The following EXOC6B variants were observed in gnomAD, a reference collection of about 807,000 sequenced individuals.
EXOC6B encodes SEC15 homolog B.
In EXOC6B, 54 loss-of-function variants were observed where a neutral mutation model predicts 113.5. The ratio of observed to expected loss-of-function variants is 0.48; its 90% CI spans 0.38 to 0.60. EXOC6B has a LOEUF of 0.60. EXOC6B is among the 20% of genes least tolerant of loss of function. The probability of loss-of-function intolerance (pLI) is 0.00; values close to 1 mark genes in which losing one functional copy is unlikely to be tolerated. For synonymous variants in EXOC6B, 357 were observed against 339.0 expected, an observed-to-expected ratio of 1.05 and a Z score of -0.58; for missense variants, 797 against 977.5, an observed-to-expected ratio of 0.82 and a Z score of 2.46.
intron 11 of EXOC6B, among the ~76,000 whole-genome samples, chr2:72,512,573 T>C (rs1369489202): frequency 6.6e-6 from 1 of 151,978 alleles, no homozygotes; most frequent in Non-Finnish European, 1.5e-5. Flanking sequence ...CAGCTTAATA[T>C]GTTATGAACT....
intron 18 of EXOC6B, among the ~76,000 whole-genome samples, chr2:72,413,554 G>A (rs377578002): frequency 1.4e-4 from 21 of 151,350 alleles, no homozygotes; most frequent in Non-Finnish European, 1.6e-4. Context: ...GTAGTGGTAC[G>A]CACCTGTAAT....
rs1700237877 is a variant in EXOC6B, at chr2:72,499,974, TA to T, written c.1168-3del. On this transcript the variant is annotated splice_region_variant and splice_polypyrimidine_tract_variant and intron_variant, in intron 11 of 21. Coordinates refer to ENST00000272427, the MANE Select transcript of EXOC6B (RefSeq NM_015189.3). Reference sequence around the variant, plus strand: ...AAGGTTTGGATCAGAACAGTAAGACTAAAGTAAATAAAAGACAAAGGAGGAA... The same window carrying T: ...AAGGTTTGGATCAGAACAGTAAGACTAAGTAAATAAAAGACAAAGGAGGAA... 1 of 1,534,054 alleles carries T rather than the reference TA, an allele frequency of 6.5e-7. No homozygotes were observed. The highest frequency in any genetic ancestry group is 8.8e-7 in the Non-Finnish European group (1 of 1,132,706).
At chr2:72,796,687 T>TAA (rs879442616) in intron 1 of EXOC6B, among the ~76,000 whole-genome samples, 5 of 146,350 alleles carry the variant, frequency 3.4e-5, no homozygotes, top group Admixed American at 1.4e-4. Context: ...AATCCTAATT[T>TAA]AAAAAAAAAA....
At chr2:72,656,230 GA>G (rs1674563508) in intron 6 of EXOC6B, among the ~76,000 whole-genome samples, 1 of 152,016 alleles carries the variant, frequency 6.6e-6, no homozygotes, top group Non-Finnish European at 1.5e-5. Flanking sequence ...CAAAGCCCAC[GA>G]ACAGCCGAAG....
intron 18 of EXOC6B, among the ~76,000 whole-genome samples, chr2:72,397,720 A>C (rs920252001): frequency 1.3e-5 from 2 of 151,752 alleles, no homozygotes; most frequent in Non-Finnish European, 2.9e-5. Context: ...TACTACTGAC[A>C]CCTAATAAGT....
At chr2:72,605,852 G>A (rs531142475) in intron 6 of EXOC6B, among the ~76,000 whole-genome samples, 2 of 152,030 alleles carry the variant, frequency 1.3e-5, no homozygotes, top group South Asian at 2.1e-4. Flanking sequence ...TGAATTAATT[G>A]TATAGTCTCA....
At position 72,372,474 on chromosome 2, in the gene EXOC6B, C is replaced by G. The variant is rs370278877; in HGVS notation, c.2122+7255G>C. On this transcript the variant is annotated intron_variant, in intron 19 of 21. Coordinates refer to ENST00000272427, the MANE Select transcript of EXOC6B (RefSeq NM_015189.3). ...TGGTACTGGCATTAAATCCGACACACAGACCAATGGAACAGAATAGAGAAC... is the reference window on the plus strand; with the variant it reads ...TGGTACTGGCATTAAATCCGACACAGAGACCAATGGAACAGAATAGAGAAC... Among the ~76,000 whole-genome samples the G allele has an allele frequency of 1.6e-4, 25 of 152,226 alleles. No homozygotes were observed. In the East Asian group the frequency reaches 2.7e-3, roughly 16 times the overall value.
chr2:72,480,435 A>C (rs1699012887), intron 17 of EXOC6B, among the ~76,000 whole-genome samples, 181 bp downstream of exon 17: 1 of 152,224 alleles, frequency 6.6e-6, no homozygotes, highest in Non-Finnish European at 1.5e-5. Context: ...TTAAACACCC[A>C]AAAACTCGCA....
intron 19 of EXOC6B, among the ~76,000 whole-genome samples, chr2:72,353,763 G>A (rs953585788): frequency 3.3e-5 from 5 of 151,646 alleles, no homozygotes; most frequent in South Asian, 4.2e-4. Context: ...AAATTCCTAC[G>A]ATATACTATT....
chr2:72,341,352 T>C (rs1245664724), intron 19 of EXOC6B, among the ~76,000 whole-genome samples: 1 of 152,054 alleles, frequency 6.6e-6, no homozygotes, highest in African/African-American at 2.4e-5. Context: ...AGGACTAGTA[T>C]CCAGAACATG....
chr2:72,823,251 ACTTT>A (rs1171291197), intron 1 of EXOC6B, among the ~76,000 whole-genome samples: 1 of 151,590 alleles, frequency 6.6e-6, no homozygotes, highest in Non-Finnish European at 1.5e-5. Flanking sequence ...TGAGTCTCAA[ACTTT>A]CTTTTTTTTA....
At chr2:72,512,831 G>T (rs971655278) in intron 11 of EXOC6B, among the ~76,000 whole-genome samples, 8 of 152,020 alleles carry the variant, frequency 5.3e-5, no homozygotes, top group Non-Finnish European at 1.0e-4. Flanking sequence ...CCTTTCTAGG[G>T]TTGTATTGAG....
rs1343947093 is a variant in EXOC6B at position 72,401,581 on chromosome 2, A to G, written c.1981-21711T>C. 2.5e-4 allele frequency among the ~76,000 whole-genome samples: 5 copies of G among 20,034 alleles called. No homozygotes were observed. The East Asian group carries it at 4.1e-3, about 17-fold the overall frequency. 13.1% of individuals were successfully genotyped at this position (20,034 alleles called of 152,430 possible). A position where few individuals can be genotyped will look rare whatever the true frequency, so the allele number is the denominator to read the frequency against. ...TATATATATACATATATATATATAT[A>G]CATATATATATATATATATATGTGT... On this transcript the variant is annotated intron_variant, in intron 18 of 21. Transcript: ENST00000272427.
At chr2:72,683,227 C>T (rs1179399985) in intron 6 of EXOC6B, among the ~76,000 whole-genome samples, 1 of 152,128 alleles carries the variant, frequency 6.6e-6, no homozygotes, top group Admixed American at 6.5e-5. Flanking sequence ...ATGTGTTTTT[C>T]ATTGTGGATT....
At chr2:72,317,381 G>A (rs1436205376) in intron 20 of EXOC6B, among the ~76,000 whole-genome samples, 1 of 151,770 alleles carries the variant, frequency 6.6e-6, no homozygotes, top group East Asian at 1.9e-4. Context: ...ATTTCATCAA[G>A]CAGGCAATGA....
Position 72,721,433 on chromosome 2 carries a change from GA to G in EXOC6B, c.465-3127del, listed in dbSNP as rs34698268. 2.7e-3 allele frequency among the ~76,000 whole-genome samples: 284 copies of G among 105,146 alleles called. 5 individuals are homozygous for G. Among genetic ancestry groups the G allele is most frequent in the African/African-American group, 8.6e-3 (222 of 25,772 alleles). 69.0% of individuals were successfully genotyped at this position (105,146 alleles called of 152,430 possible). A position where few individuals can be genotyped will look rare whatever the true frequency, so the allele number is the denominator to read the frequency against. On this transcript the variant is annotated intron_variant, in intron 5 of 21. Transcript: ENST00000272427. ...AAAGAACCAAAAAGGGCCAACATAT[GA>G]AAAAAAAAAAAAAATGTTTAACTGA... is the stretch of plus-strand genomic sequence containing the variant.
intron 6 of EXOC6B, among the ~76,000 whole-genome samples, chr2:72,609,613 A>T (rs1670950974): frequency 6.6e-6 from 1 of 152,070 alleles, no homozygotes. Flanking sequence ...GAGCCCCTTC[A>T]TTAATATCTA....
At chr2:72,646,503 G>C (rs1216311881) in intron 6 of EXOC6B, among the ~76,000 whole-genome samples, 1 of 152,084 alleles carries the variant, frequency 6.6e-6, no homozygotes, top group Non-Finnish European at 1.5e-5. Flanking sequence ...AACAAAAAAA[G>C]AGAATTTTAG....
rs185733931 is a variant in EXOC6B at position 72,775,110 on chromosome 2, G to A, written c.114-33641C>T. 2.2e-3 allele frequency among the ~76,000 whole-genome samples: 342 copies of A among 152,246 alleles called. 2 individuals carry two copies. The highest frequency in any genetic ancestry group is 0.017 in the Middle Eastern group (5 of 294). ...TGCCACCTTCCCAGCAACTCAATGT[G>A]TTCACCAACCTGGAAGCTCTCTGAA... On this transcript the variant is annotated intron_variant, in intron 1 of 21. Coordinates refer to ENST00000272427, the MANE Select transcript of EXOC6B (RefSeq NM_015189.3).
Sources: allele counts gnomAD v4.1 joint callset (sites outside exome capture counted in the v4.1 genomes callset), GRCh38; gene constraint gnomAD v4.1.1; transcripts MANE v1.5; gene names NCBI Gene and HGNC (gene_info 2026-07-23, HGNC 2026-07-21).